THSD7B: variants seen among roughly 807,000 people sequenced by gnomAD.
The protein encoded by THSD7B is thrombospondin type 1 domain containing 7B.
Under a neutral mutation model 213.6 loss-of-function variants are expected in THSD7B, and 138 were observed. The ratio of observed to expected loss-of-function variants is 0.65; its 90% confidence interval spans 0.56 to 0.74. THSD7B has a LOEUF of 0.74. THSD7B is among the 30% of genes least tolerant of loss of function. THSD7B has a pLI of 0.00. For synonymous variants in THSD7B, 742 were observed against 687.0 expected (o/e 1.08, Z -1.25); for missense variants, 1,931 against 1,991.5 (o/e 0.97, Z 0.58).
intron 12 of THSD7B, among the ~76,000 whole-genome samples, chr2:137,331,319 G>A (rs1048422899): frequency 6.6e-6 from 1 of 151,520 alleles, no homozygotes; most frequent in Non-Finnish European, 1.5e-5. Flanking sequence ...GCTGATTGGT[G>A]TATTTACAAT....
chr2:137,579,534 G>T (rs562509450), intron 17 of THSD7B, among the ~76,000 whole-genome samples: 1 of 122,810 alleles, frequency 8.1e-6, no homozygotes, highest in Admixed American at 8.7e-5. Flanking sequence ...ACACACGCGC[G>T]TGCGCACACA....
At chr2:137,450,627 T>C (rs1210048043) in intron 14 of THSD7B, among the ~76,000 whole-genome samples, 1 of 152,150 alleles carries the variant, frequency 6.6e-6, no homozygotes, top group Non-Finnish European at 1.5e-5. Context: ...GTTCCTTTCA[T>C]CCCAAAATTG....
intron 3 of THSD7B, among the ~76,000 whole-genome samples, chr2:137,076,336 G>A (rs1354449292): frequency 3.9e-5 from 6 of 152,170 alleles, no homozygotes; most frequent in Non-Finnish European, 8.8e-5. Context: ...GTTTGGTCTG[G>A]GACTGCTGTT....
rs1212357298 is a variant in THSD7B, at chr2:137,537,864, AT to A, written c.3139-25356del. Among the ~76,000 whole-genome samples, 6 of 151,898 alleles carry A rather than the reference AT, an allele frequency of 4.0e-5. No individual in the cohort carries two copies. The East Asian group carries it at 9.7e-4, about 25-fold the overall frequency. On this transcript the variant is annotated intron_variant, in intron 15 of 27. Transcript: ENST00000409968. ...TATTGAGACTACAATATTTAAAAAA[AT>A]ATGATCCTAGCCCTGCCCTCAGGGA...
At chr2:137,444,183 T>C (rs1573629012) in intron 14 of THSD7B, among the ~76,000 whole-genome samples, 1 of 152,144 alleles carries the variant, frequency 6.6e-6, no homozygotes, top group Non-Finnish European at 1.5e-5. Context: ...GGAAGCATCT[T>C]TATGAGAGTA....
intron 14 of THSD7B, among the ~76,000 whole-genome samples, chr2:137,445,522 T>C (rs899584320): frequency 1.3e-5 from 2 of 151,916 alleles, no homozygotes; most frequent in Non-Finnish European, 2.9e-5. Flanking sequence ...AGACAAATAC[T>C]GTGTGTTCTT....
intron 7 of THSD7B, among the ~76,000 whole-genome samples, chr2:137,198,599 CCTT>C (rs1680813934): frequency 6.6e-6 from 1 of 152,094 alleles, no homozygotes; most frequent in Admixed American, 6.6e-5. Context: ...CAGAACATGT[CCTT>C]CTTCCCCTCC....
At chr2:137,075,490 AT>A (rs1173635810) in intron 3 of THSD7B, among the ~76,000 whole-genome samples, 2 of 151,550 alleles carry the variant, frequency 1.3e-5, no homozygotes, top group African/African-American at 2.4e-5. Flanking sequence ...CATTCATCTA[AT>A]TTTTTTTCAA....
At chr2:136,802,658 T>C (rs575438715) in intron 1 of THSD7B, among the ~76,000 whole-genome samples, 1 of 119,746 alleles carries the variant, frequency 8.4e-6, no homozygotes, top group East Asian at 2.5e-4. Context: ...TATATATATA[T>C]ATATATATAT....
chr2:137,200,362 A>G (rs1356382460), intron 7 of THSD7B, among the ~76,000 whole-genome samples: 2 of 152,108 alleles, frequency 1.3e-5, no homozygotes, highest in African/African-American at 4.8e-5. Context: ...CATACAATTT[A>G]TGTAAATACT....
intron 14 of THSD7B, among the ~76,000 whole-genome samples, chr2:137,412,682 G>GA (rs1686692711): frequency 1.3e-5 from 2 of 149,436 alleles, no homozygotes; most frequent in African/African-American, 4.9e-5. Context: ...AAAACTATAG[G>GA]AAAAAAACAA....
chr2:137,236,434 C>T (rs947666705), intron 9 of THSD7B, among the ~76,000 whole-genome samples: 8 of 152,174 alleles, frequency 5.3e-5, no homozygotes, highest in Admixed American at 1.3e-4. Flanking sequence ...TAGCTGGTAA[C>T]AACTGAATCA....
Position 137,094,982 on chromosome 2 carries a change from T to A in THSD7B, c.1060T>A (p.Ser354Thr). 5.6e-6 allele frequency: 9 copies of A among 1,613,900 alleles called. No individual in the cohort carries two copies. The highest frequency in any genetic ancestry group is 6.8e-6 in the Non-Finnish European group (8 of 1,179,858). ...SWSPCSKTCR[S>T]GSLLPGFRSR... ...GAGCCCCTGCTCCAAGACATGCCGT[T>A]CAGGGAGTCTCTTGCCAGGATTTAG... is the stretch of plus-strand genomic sequence containing the variant. Residue 354 changes from serine to threonine, a missense_variant, in exon 4 of 28, where the codon TCA (serine) becomes ACA (threonine). By Grantham distance (58) the Ser-to-Thr change is moderately conservative. Transcript: ENST00000409968.
chr2:137,601,617 G>A (rs922291288), intron 17 of THSD7B, among the ~76,000 whole-genome samples: 16 of 152,064 alleles, frequency 1.1e-4, no homozygotes, highest in Non-Finnish European at 2.2e-4. Context: ...ACATATCCCC[G>A]TCATTAAGTA....
chr2:137,061,374 A>G (rs1270923638), intron 3 of THSD7B, among the ~76,000 whole-genome samples: 2 of 150,564 alleles, frequency 1.3e-5, no homozygotes, highest in East Asian at 3.9e-4. Context: ...TCTTGTCTTC[A>G]TTAGCCAAGA....
At chr2:137,497,814 AT>A (rs1265729941) in intron 15 of THSD7B, among the ~76,000 whole-genome samples, 1 of 152,186 alleles carries the variant, frequency 6.6e-6, no homozygotes, top group Non-Finnish European at 1.5e-5. Context: ...ATTGGCTCAC[AT>A]TTTTAAAGTC....
intron 12 of THSD7B, among the ~76,000 whole-genome samples, chr2:137,396,778 A>T (rs1419982983): frequency 6.6e-6 from 1 of 151,160 alleles, no homozygotes; most frequent in Non-Finnish European, 1.5e-5. Flanking sequence ...AAAGTCTCCC[A>T]TTATTAATGT....
chr2:137,312,527 G>A (rs1683944558), intron 12 of THSD7B, among the ~76,000 whole-genome samples: 1 of 151,182 alleles, frequency 6.6e-6, no homozygotes, highest in African/African-American at 2.4e-5. Flanking sequence ...TCTGATTTTA[G>A]TTATTTCTTG....
intron 7 of THSD7B, among the ~76,000 whole-genome samples, chr2:137,173,173 A>G (rs969372396): frequency 5.3e-5 from 8 of 152,212 alleles, no homozygotes; most frequent in African/African-American, 1.9e-4. Context: ...AAAAAGCCAT[A>G]AACTTATTTT....
Sources: allele counts gnomAD v4.1 joint callset (sites outside exome capture counted in the v4.1 genomes callset), GRCh38; gene constraint gnomAD v4.1.1; transcripts MANE v1.5; gene names NCBI Gene and HGNC (gene_info 2026-07-23, HGNC 2026-07-21).